Variants in SOX5 observed in about 807,000 individuals in gnomAD.
The protein encoded by SOX5 is transcription factor SOX-5.
Under a neutral mutation model 92.0 loss-of-function variants are expected in SOX5, and 9 were observed. The ratio of observed to expected loss-of-function variants is 0.10; its 90% CI spans 0.06 to 0.17. The LOEUF (loss-of-function observed/expected upper bound fraction) is 0.17, where lower values mean the gene tolerates loss of function less well. Among genes scored for constraint, SOX5 ranks in the 10% least tolerant of loss-of-function variants. SOX5 has a pLI of 1.00. For synonymous variants in SOX5, 344 were observed against 336.3 expected, an observed-to-expected ratio of 1.02 and a Z score of -0.25; for missense variants, 642 against 944.5, an observed-to-expected ratio of 0.68 and a Z score of 4.20.
At chr12:24,049,250 T>A (rs1957321935) in intron 4 of SOX5, among the ~76,000 whole-genome samples, 1 of 152,134 alleles carries the variant, frequency 6.6e-6, no homozygotes, top group African/African-American at 2.4e-5. Context: ...TTCTAATAAC[T>A]GAAAGGGTTG....
chr12:23,691,144 C>T (rs779503658), intron 6 of SOX5, among the ~76,000 whole-genome samples: 19 of 152,116 alleles, frequency 1.2e-4, no homozygotes, highest in Non-Finnish European at 2.8e-4. Context: ...TTTAGAGTGG[C>T]AGCCAGGCCA....
At chr12:24,043,007 T>C (rs1956662955) in intron 4 of SOX5, among the ~76,000 whole-genome samples, 1 of 152,230 alleles carries the variant, frequency 6.6e-6, no homozygotes, top group Non-Finnish European at 1.5e-5. Flanking sequence ...GAGGAGAGAC[T>C]GGAACAGATA....
intron 1 of SOX5, among the ~76,000 whole-genome samples, chr12:24,429,625 TACACACACACAC>T (rs148679940): frequency 7.1e-6 from 1 of 140,704 alleles, no homozygotes; most frequent in Non-Finnish European, 1.6e-5. Context: ...CACACACACA[TACACACACACAC>T]ACACACACAC....
chr12:24,327,630 C>T (rs775010), intron 2 of SOX5, among the ~76,000 whole-genome samples: 17,814 of 151,598 alleles, frequency 0.12, 1,395 homozygotes, highest in Non-Finnish European at 0.17. Flanking sequence ...GTCCCCCAGG[C>T]TGGAGTGCAG....
chr12:23,877,993 T>A (rs1012689729), intron 2 of SOX5, among the ~76,000 whole-genome samples: 21 of 152,030 alleles, frequency 1.4e-4, no homozygotes, highest in Non-Finnish European at 2.8e-4. Context: ...TTTATTATAT[T>A]TTTTCTGCTT....
intron 14 of SOX5, among the ~76,000 whole-genome samples, chr12:23,535,893 C>T (rs1387955938): frequency 6.6e-6 from 1 of 152,106 alleles, no homozygotes; most frequent in Non-Finnish European, 1.5e-5. Context: ...AACCTTGCCA[C>T]GGGAGCATTG....
intron 4 of SOX5, among the ~76,000 whole-genome samples, chr12:24,007,037 G>T (rs1156251007): frequency 6.7e-6 from 1 of 150,156 alleles, no homozygotes; most frequent in Admixed American, 6.7e-5. Flanking sequence ...GGAGGCTGAG[G>T]CAGGAGAACC....
intron 4 of SOX5, among the ~76,000 whole-genome samples, chr12:23,999,237 T>C (rs903916239): frequency 2.0e-5 from 3 of 151,420 alleles, no homozygotes; most frequent in South Asian, 2.1e-4. Flanking sequence ...CTCACTTATA[T>C]GTAGTATCTT....
At chr12:24,022,647 A>G (rs1954431599) in intron 4 of SOX5, among the ~76,000 whole-genome samples, 1 of 152,056 alleles carries the variant, frequency 6.6e-6, no homozygotes, top group Non-Finnish European at 1.5e-5. Flanking sequence ...CTTGCTCCCA[A>G]GGATTGGCAG....
intron 2 of SOX5, among the ~76,000 whole-genome samples, chr12:23,847,689 C>G (rs1292660043): frequency 2.6e-5 from 4 of 151,766 alleles, no homozygotes; most frequent in Non-Finnish European, 4.4e-5. Flanking sequence ...AAAATGTGCA[C>G]AACAGAATCT....
chr12:24,009,005 T>G (rs893858350), intron 4 of SOX5, among the ~76,000 whole-genome samples: 1 of 152,206 alleles, frequency 6.6e-6, no homozygotes, highest in African/African-American at 2.4e-5. Context: ...TGTAAGAGAC[T>G]GCCATGCTTT....
At chr12:23,946,593 A>AGAAAATGAATTTT (rs1944627857) in intron 1 of SOX5, among the ~76,000 whole-genome samples, 2 of 152,032 alleles carry the variant, frequency 1.3e-5, no homozygotes, top group East Asian at 1.9e-4. Flanking sequence ...ATTTTTCATT[A>AGAAAATGAATTTT]TCTACTTTCA....
At chr12:23,738,202 T>TA (rs1405076362) in intron 5 of SOX5, among the ~76,000 whole-genome samples, 1 of 152,228 alleles carries the variant, frequency 6.6e-6, no homozygotes, top group Non-Finnish European at 1.5e-5. Flanking sequence ...TTAGCTTTTG[T>TA]AACAGCTATA....
intron 3 of SOX5, among the ~76,000 whole-genome samples, chr12:23,760,122 G>T (rs987579949): frequency 5.9e-5 from 9 of 152,000 alleles, no homozygotes; most frequent in African/African-American, 2.2e-4. Context: ...AAGAACTAGG[G>T]CTCCCTAGAT....
At chr12:23,952,310 A>G (rs1484228235), upstream of SOX5, among the ~76,000 whole-genome samples, 3 of 152,144 alleles carry the variant, frequency 2.0e-5, no homozygotes, top group Non-Finnish European at 2.9e-5. Context: ...TGAGATCCGT[A>G]TGGTCCCAGC....
intron 3 of SOX5, among the ~76,000 whole-genome samples, chr12:23,794,042 A>G (rs1017584770): frequency 2.0e-5 from 3 of 152,186 alleles, no homozygotes; most frequent in Non-Finnish European, 4.4e-5. Context: ...TTTATAATCC[A>G]TCATTGAAAT....
chr12:23,843,554 CTTTTTT>C (rs71059931), intron 3 of SOX5, among the ~76,000 whole-genome samples: 2,929 of 70,918 alleles, frequency 0.041, 27 homozygotes, highest in South Asian at 0.057. Context: ...GTCATTTCTC[CTTTTTT>C]TTTTTTTTTT....
intron 2 of SOX5, among the ~76,000 whole-genome samples, chr12:24,282,137 G>C (rs989355825): frequency 6.6e-6 from 1 of 152,040 alleles, no homozygotes; most frequent in Non-Finnish European, 1.5e-5. Context: ...ACCTCCCTCA[G>C]TAAAAAGGAA....
chr12:24,491,983 C>T (rs1331051721), intron 1 of SOX5, among the ~76,000 whole-genome samples: 2 of 152,054 alleles, frequency 1.3e-5, no homozygotes, highest in African/African-American at 2.4e-5. Flanking sequence ...CATTTAATTG[C>T]TTTGAGACAA....
Sources: allele counts gnomAD v4.1 joint callset (sites outside exome capture counted in the v4.1 genomes callset), GRCh38; gene constraint gnomAD v4.1.1; transcripts MANE v1.5; gene names NCBI Gene and HGNC (gene_info 2026-07-23, HGNC 2026-07-21).